DLAT: variants seen among roughly 807,000 people sequenced by gnomAD.
DLAT encodes dihydrolipoyllysine-residue acetyltransferase component of pyruvate dehydrogenase complex, mitochondrial.
Under a neutral mutation model 68.0 loss-of-function variants are expected in DLAT, and 43 were observed. The observed-to-expected ratio is 0.63, with a 90% CI of 0.50 to 0.81. DLAT has a LOEUF of 0.81. Ranked by LOEUF, DLAT falls within the 40% of genes least tolerant of loss-of-function variation. The pLI is 0.00. For missense variants in DLAT, 745 were observed against 815.4 expected (o/e 0.91, Z 1.05); for synonymous variants, 265 against 288.6 (o/e 0.92, Z 0.83).
chr11:112,050,842 G>A (rs1470314308), intron 10 of DLAT, among the ~76,000 whole-genome samples: 1 of 152,160 alleles, frequency 6.6e-6, no homozygotes, highest in Non-Finnish European at 1.5e-5. Context: ...TGTAACTTAT[G>A]GGATTATGCT....
chr11:112,049,100 C>T (rs1555181752), intron 10 of DLAT, among the ~76,000 whole-genome samples: 2 of 151,440 alleles, frequency 1.3e-5, no homozygotes. Context: ...CTGCCTCAGC[C>T]TCCCAAGTAG....
At chr11:112,048,892 A>C (rs1555181737) in intron 10 of DLAT, among the ~76,000 whole-genome samples, 1 of 151,448 alleles carries the variant, frequency 6.6e-6, no homozygotes, top group Admixed American at 6.6e-5. Flanking sequence ...TGTCAGTACC[A>C]CAGTCTTGAT....
rs782689840 is a variant in DLAT at position 112,060,712 on chromosome 11, C to T, written c.1678-326C>T. 8.8e-4 allele frequency among the ~76,000 whole-genome samples: 133 copies of T among 151,976 alleles called. 2 individuals are homozygous for T. The highest frequency in any genetic ancestry group is 6.5e-4 in the Non-Finnish European group (44 of 67,990). Reference sequence around the variant, plus strand: ...AACTCCTGACCTCAAATGATCCACCCGCCTCACCCTCTCGAAGTGCTGGGA... The same window carrying T: ...AACTCCTGACCTCAAATGATCCACCTGCCTCACCCTCTCGAAGTGCTGGGA... On this transcript the variant is annotated intron_variant, in intron 12 of 13. Transcript: ENST00000280346.
In DLAT at chr11:112,061,193, G is replaced by A; in HGVS notation, c.1814+19G>A. The A allele has an allele frequency of 6.2e-7, 1 of 1,613,824 alleles. No individual in the cohort carries two copies. The highest frequency in any genetic ancestry group is 8.5e-7 in the Non-Finnish European group (1 of 1,179,914). On this transcript the variant is annotated intron_variant, in intron 13 of 13. Coordinates refer to ENST00000280346, the MANE Select transcript of DLAT (RefSeq NM_001931.5). ...AAAAAGGGTAAGTGCCAAAATGGAG[G>A]GGAAGTCGTAAGCTAATTTTTATTA... is the stretch of plus-strand genomic sequence containing the variant.
chr11:112,039,763 A>G (rs782718600), intron 7 of DLAT, among the ~76,000 whole-genome samples: 2 of 152,206 alleles, frequency 1.3e-5, no homozygotes, highest in Non-Finnish European at 2.9e-5. Flanking sequence ...AAGCAAAGCA[A>G]AATAAAATTT....
chr11:112,026,723 C>T (rs1555179307), intron 2 of DLAT, among the ~76,000 whole-genome samples: 2 of 152,240 alleles, frequency 1.3e-5, no homozygotes, highest in Non-Finnish European at 2.9e-5. Flanking sequence ...TCTTTCTACA[C>T]AGACACGGCA....
At chr11:112,045,479 A>G (rs1555181390) in intron 9 of DLAT, among the ~76,000 whole-genome samples, 2 of 152,244 alleles carry the variant, frequency 1.3e-5, no homozygotes, top group East Asian at 3.9e-4. Flanking sequence ...CAAGGTCCAG[A>G]CTTCGAGACC....
chr11:112,040,903 G>A (rs1863019118), intron 7 of DLAT, among the ~76,000 whole-genome samples: 1 of 151,200 alleles, frequency 6.6e-6, no homozygotes, highest in African/African-American at 2.4e-5. Flanking sequence ...AATCCCTTAG[G>A]TATGAGCTGA....
chr11:112,053,331 A>G (rs1311723890), intron 11 of DLAT, among the ~76,000 whole-genome samples: 2 of 152,022 alleles, frequency 1.3e-5, no homozygotes, highest in Non-Finnish European at 2.9e-5. Context: ...TCAAAAAAAT[A>G]TTTTCCTAAT....
intron 1 of DLAT, 119 bp from the exon 2 acceptor site, chr11:112,026,079 C>A: frequency 1.1e-6 from 1 of 881,844 alleles, no homozygotes; most frequent in Non-Finnish European, 1.8e-6. Flanking sequence ...ATCCCTAGTT[C>A]CCAATGTGCA....
chr11:112,036,165 ATATGTGTGTGTGTGTG>A (rs1209804182), intron 5 of DLAT, among the ~76,000 whole-genome samples: 4 of 101,814 alleles, frequency 3.9e-5, no homozygotes, highest in African/African-American at 1.8e-4. Context: ...GTGTGTGTAT[ATATGTGTGTGTGTGTG>A]TGTGTGTGTG....
chr11:112,052,596 T>C (rs1863716599), intron 11 of DLAT, among the ~76,000 whole-genome samples: 1 of 152,138 alleles, frequency 6.6e-6, no homozygotes, highest in Non-Finnish European at 1.5e-5. Flanking sequence ...AGAGCTTCCA[T>C]GTCCTTTCTG....
At chr11:112,027,505 G>A (rs1281870492) in intron 2 of DLAT, among the ~76,000 whole-genome samples, 10 of 151,808 alleles carry the variant, frequency 6.6e-5, no homozygotes, top group African/African-American at 2.2e-4. Context: ...GGTGGCAGCC[G>A]GGCAGAGGCT....
intron 10 of DLAT, among the ~76,000 whole-genome samples, chr11:112,046,536 T>C (rs1863328669): frequency 6.6e-6 from 1 of 152,118 alleles, no homozygotes; most frequent in Non-Finnish European, 1.5e-5. Context: ...TACATAGGTA[T>C]ACACGTGCCA....
intron 10 of DLAT, among the ~76,000 whole-genome samples, chr11:112,050,042 C>T (rs1317229674): frequency 4.6e-5 from 7 of 152,172 alleles, no homozygotes; most frequent in Admixed American, 6.5e-5. Context: ...CAAGTTCCCT[C>T]CTGTTCCCAG....
chr11:112,064,082 AG>A lies in DLAT; in HGVS notation c.*1548del. The A allele has an allele frequency of 8.8e-7, 1 of 1,139,970 alleles. No homozygotes were observed. Among genetic ancestry groups the A allele is most frequent in the Non-Finnish European group, 1.2e-6 (1 of 817,368 alleles). The allele number at this position is 1,139,970 out of a possible 1,614,324, so 70.6% of individuals were successfully genotyped here. A position where few individuals can be genotyped will look rare whatever the true frequency, so the allele number is the denominator to read the frequency against. On this transcript the variant is annotated 3_prime_UTR_variant, in exon 14 of 14. Transcript: ENST00000280346. ...ACATTAATTTGATTTTTCAGTAATT[AG>A]TAATTTTAGGTTGAAGATTATCCAA...
At chr11:112,043,303 G>A (rs1555181120) in intron 7 of DLAT, among the ~76,000 whole-genome samples, 163 bp from the exon 8 acceptor site, 1 of 152,222 alleles carries the variant, frequency 6.6e-6, no homozygotes, top group African/African-American at 2.4e-5. Context: ...ACAAAAGCTG[G>A]TATTTGTAGG....
At chr11:112,042,566 G>A (rs73561976) in intron 7 of DLAT, among the ~76,000 whole-genome samples, 12,609 of 152,164 alleles carry the variant, frequency 0.083, 1,554 homozygotes, top group African/African-American at 0.27. Context: ...AGATGAATCA[G>A]TTTGACCAAA....
Position 112,033,522 on chromosome 11 carries a change from C to A in DLAT, c.779C>A (p.Ala260Asp), listed in dbSNP as rs1346727694. 1 of 1,613,522 alleles carries A rather than the reference C, an allele frequency of 6.2e-7. No homozygotes were observed. The highest frequency in any genetic ancestry group is 8.5e-7 in the Non-Finnish European group (1 of 1,179,790). The change falls in exon 5 of 14, where the codon GCC (alanine) becomes GAC (aspartate). Residue 260 changes from alanine (A) to aspartate (D), a missense_variant. Transcript: ENST00000280346. ...DLLAEIETDK[A>D]TIGFEVQEEG... ...CTGGCAGAGATAGAAACTGACAAAG[C>A]CACTATAGGTGAGATTTCTTCAGCT...
Sources: allele counts gnomAD v4.1 joint callset (sites outside exome capture counted in the v4.1 genomes callset), GRCh38; gene constraint gnomAD v4.1.1; transcripts MANE v1.5; gene names NCBI Gene and HGNC (gene_info 2026-07-23, HGNC 2026-07-21).